Variants in H2BC1 observed in about 807,000 individuals in gnomAD.
H2BC1 encodes H2B clustered histone 1.
Under a neutral mutation model 5.4 loss-of-function variants are expected in H2BC1, and 5 were observed. The ratio of observed to expected loss-of-function variants is 0.92; its 90% CI spans 0.48 to 1.94. The LOEUF (loss-of-function observed/expected upper bound fraction) is 1.94, where lower values mean the gene tolerates loss of function less well. Ranked by LOEUF, H2BC1 falls within the 30% of genes most tolerant of loss-of-function variation. The pLI is 0.01. For synonymous variants in H2BC1, 131 were observed against 58.2 expected, an observed-to-expected ratio of 2.25 and a Z score of -5.69; for missense variants, 210 against 159.1, an observed-to-expected ratio of 1.32 and a Z score of -1.72.
In H2BC1 at chr6:25,726,880, G is replaced by A. The variant is rs763840708; in HGVS notation, c.-29G>A. On this transcript the variant is annotated 5_prime_UTR_variant, in exon 1 of 1. It adds an upstream start codon to the 5' untranslated region. Coordinates refer to ENST00000274764, the MANE Select transcript of H2BC1 (RefSeq NM_170610.3). ...TGCTGTGTAACCCTGGAAAAGAACC[G>A]TGTAACGCTGCAGAAGTGTGTGGTA... 3 of 1,592,838 alleles carry A rather than the reference G, an allele frequency of 1.9e-6. No individual in the cohort carries two copies. Among genetic ancestry groups the A allele is most frequent in the Non-Finnish European group, 2.6e-6 (3 of 1,170,710 alleles).
chr6:25,726,972 A>AC lies in H2BC1; in HGVS notation c.64_65insC (p.Lys22ThrfsTer15). 6.2e-7 allele frequency: 1 copy of AC among 1,614,196 alleles called. No individual in the cohort carries two copies. Reference sequence around the variant, plus strand: ...GAAGGGCTTTAAGAAAGCTGTCGTTAAGACCCAGAAAAAGGAAGGCAAAAA... The same window carrying AC: ...GAAGGGCTTTAAGAAAGCTGTCGTTACAGACCCAGAAAAAGGAAGGCAAAAA... On this transcript the variant is annotated frameshift_variant, in exon 1 of 1. Coordinates refer to ENST00000274764, the MANE Select transcript of H2BC1 (RefSeq NM_170610.3). LOFTEE classifies it low-confidence loss of function (END_TRUNC).
rs200445507 is a variant in H2BC1, at chr6:25,726,879, C to T, written c.-30C>T. The T allele has an allele frequency of 8.2e-6, 13 of 1,582,474 alleles. No homozygotes were observed. Among genetic ancestry groups the T allele is most frequent in the East Asian group, 2.2e-5 (1 of 44,680 alleles). ...GTGCTGTGTAACCCTGGAAAAGAAC[C>T]GTGTAACGCTGCAGAAGTGTGTGGT... On this transcript the variant is annotated 5_prime_UTR_variant, in exon 1 of 1. Transcript: ENST00000274764.
At position 25,727,215 on chromosome 6, in the gene H2BC1, C is replaced by T. The variant is rs878856583; in HGVS notation, c.307C>T (p.Leu103=). The part of the protein sequence containing the change: ...SREIQTAVRL[L]LPGELAKHAV... ...AGAGATTCAGACAGCAGTGCGCTTG[C>T]TACTGCCGGGAGAGCTGGCTAAACA... Residue 103 remains leucine, a synonymous_variant, in exon 1 of 1, where the codon CTA becomes TTA. Transcript: ENST00000274764. 6.2e-7 allele frequency: 1 copy of T among 1,613,992 alleles called. No homozygotes were observed. The highest frequency in any genetic ancestry group is 1.3e-5 in the African/African-American group (1 of 75,042).
In H2BC1 at chr6:25,727,194, A is replaced by G; in HGVS notation, c.286A>G (p.Ile96Val). The change falls in exon 1 of 1, where the codon ATT (isoleucine) becomes GTT (valine). Residue 96 changes from isoleucine (I) to valine (V), a missense_variant. Coordinates refer to ENST00000274764, the MANE Select transcript of H2BC1 (RefSeq NM_170610.3). ...GCGCTCCACCATTTCTTCCAGAGAG[A>G]TTCAGACAGCAGTGCGCTTGCTACT... The part of the protein sequence containing the change: ...SKRSTISSRE[I>V]QTAVRLLLPG... 6.2e-7 allele frequency: 1 copy of G among 1,614,132 alleles called. No homozygotes were observed. The highest frequency in any genetic ancestry group is 2.2e-5 in the East Asian group (1 of 44,868).
Position 25,726,961 on chromosome 6 carries a change from A to G in H2BC1, c.53A>G (p.Lys18Arg), listed in dbSNP as rs369689555. The change falls in exon 1 of 1, where the codon AAA (lysine) becomes AGA (arginine). Residue 18 changes from lysine (K) to arginine (R), a missense_variant. By Grantham distance (26) the Lys-to-Arg change is conservative. Coordinates refer to ENST00000274764, the MANE Select transcript of H2BC1 (RefSeq NM_170610.3). Reference sequence around the variant, plus strand: ...ACCATTTCCAAGAAGGGCTTTAAGAAAGCTGTCGTTAAGACCCAGAAAAAG... The same window carrying G: ...ACCATTTCCAAGAAGGGCTTTAAGAGAGCTGTCGTTAAGACCCAGAAAAAG... ...GATISKKGFK[K>R]AVVKTQKKEG... 5 of 1,614,046 alleles carry G rather than the reference A, an allele frequency of 3.1e-6. No homozygotes were observed. The highest frequency in any genetic ancestry group is 2.5e-6 in the Non-Finnish European group (3 of 1,180,040).
In H2BC1 at chr6:25,726,980, G is replaced by A. The variant is rs1249486668; in HGVS notation, c.72G>A (p.Gln24=). 6 of 1,614,046 alleles carry A rather than the reference G, an allele frequency of 3.7e-6. No individual in the cohort carries two copies. Among genetic ancestry groups the A allele is most frequent in the Non-Finnish European group, 5.1e-6 (6 of 1,180,034 alleles). The change falls in exon 1 of 1, where the codon CAG becomes CAA. Residue 24 remains glutamine, a synonymous_variant. Transcript: ENST00000274764. ...KGFKKAVVKT[Q]KKEGKKRKRT... ...TTAAGAAAGCTGTCGTTAAGACCCA[G>A]AAAAAGGAAGGCAAAAAGCGCAAGA...
In H2BC1 at chr6:25,727,070, T is replaced by G; in HGVS notation, c.162T>G (p.Thr54=). The G allele has an allele frequency of 6.2e-7, 1 of 1,614,250 alleles. No homozygotes were observed. Among genetic ancestry groups the G allele is most frequent in the South Asian group, 1.1e-5 (1 of 91,086 alleles). The change falls in exon 1 of 1, where the codon ACT becomes ACG. Residue 54 remains threonine (T), a synonymous_variant. Transcript: ENST00000274764. ...TGCTAAAGCAGGTCCATCCGGACAC[T>G]GGCATCTCTTCGAAAGCTATGAGCA... The part of the protein sequence containing the change: ...YKVLKQVHPD[T]GISSKAMSIM...
At position 25,726,905 on chromosome 6, in the gene H2BC1, A is replaced by G; in HGVS notation, c.-4A>G. 2 of 1,609,486 alleles carry G rather than the reference A, an allele frequency of 1.2e-6. No homozygotes were observed. The highest frequency in any genetic ancestry group is 1.7e-4 in the Middle Eastern group (1 of 6,036). On this transcript the variant is annotated 5_prime_UTR_variant, in exon 1 of 1. Coordinates refer to ENST00000274764, the MANE Select transcript of H2BC1 (RefSeq NM_170610.3). ...GTGTAACGCTGCAGAAGTGTGTGGT[A>G]GCTATGCCGGAGGTGTCATCTAAAG...
At position 25,727,025 on chromosome 6, in the gene H2BC1, T is replaced by C. The variant is rs369117550; in HGVS notation, c.117T>C (p.Tyr39=). The change falls in exon 1 of 1, where the codon TAT becomes TAC. Residue 39 remains tyrosine, a synonymous_variant. Transcript: ENST00000274764. ...GCAAGAGGACCCGTAAGGAGAGTTA[T>C]TCTATTTACATCTACAAAGTGCTAA... ...KKRKRTRKES[Y]SIYIYKVLKQ... 17 of 1,614,104 alleles carry C rather than the reference T, an allele frequency of 1.1e-5. No homozygotes were observed. Among genetic ancestry groups the C allele is most frequent in the African/African-American group, 5.3e-5 (4 of 74,942 alleles).
At position 25,727,055 on chromosome 6, in the gene H2BC1, G is replaced by A. The variant is rs2151390461; in HGVS notation, c.147G>A (p.Gln49=). ...YSIYIYKVLK[Q]VHPDTGISSK... ...TTTACATCTACAAAGTGCTAAAGCA[G>A]GTCCATCCGGACACTGGCATCTCTT... Residue 49 remains glutamine (Q), a synonymous_variant, in exon 1 of 1, where the codon CAG becomes CAA. Coordinates refer to ENST00000274764, the MANE Select transcript of H2BC1 (RefSeq NM_170610.3). 1.2e-6 allele frequency: 2 copies of A among 1,614,246 alleles called. No individual in the cohort carries two copies. Among genetic ancestry groups the A allele is most frequent in the Non-Finnish European group, 1.7e-6 (2 of 1,180,048 alleles).
rs6903757 is a variant in H2BC1 at position 25,727,154 on chromosome 6, G to A, written c.246G>A (p.Leu82=). The A allele has an allele frequency of 3.6e-3, 5,788 of 1,614,114 alleles. 138 individuals carry two copies. The African/African-American group carries it at 0.06, about 17-fold the overall frequency. The part of the protein sequence containing the change: ...FERIASEASR[L]AHYSKRSTIS... ...GTATAGCGAGCGAGGCATCACGTTTGGCTCACTACAGCAAGCGCTCCACCA... is the reference window on the plus strand; with the variant it reads ...GTATAGCGAGCGAGGCATCACGTTTAGCTCACTACAGCAAGCGCTCCACCA... Residue 82 remains leucine, a synonymous_variant, in exon 1 of 1, where the codon TTG becomes TTA. Transcript: ENST00000274764.
Position 25,726,797 on chromosome 6 carries a change from T to C in H2BC1, c.-112T>C. The C allele has an allele frequency of 1.5e-6, 2 of 1,341,772 alleles. No homozygotes were observed. Among genetic ancestry groups the C allele is most frequent in the Non-Finnish European group, 2.0e-6 (2 of 978,558 alleles). The allele number at this position is 1,341,772 out of a possible 1,614,324, so 83.1% of individuals were successfully genotyped here. ...GTTCTGTTTGTTTACTTGGCGAGACTTGGAGCTGAGGTCATTTGGAGCTGT... is the reference window on the plus strand; with the variant it reads ...GTTCTGTTTGTTTACTTGGCGAGACCTGGAGCTGAGGTCATTTGGAGCTGT... On this transcript the variant is annotated 5_prime_UTR_variant, in exon 1 of 1. Transcript: ENST00000274764.
chr6:25,726,896 G>A lies in H2BC1; in HGVS notation c.-13G>A, dbSNP rs779171590. 2.5e-6 allele frequency: 4 copies of A among 1,606,750 alleles called. No individual in the cohort carries two copies. The South Asian group carries it at 4.5e-5, about 18-fold the overall frequency. On this transcript the variant is annotated 5_prime_UTR_variant, in exon 1 of 1. The change creates a new upstream start codon in the 5' untranslated region. Coordinates refer to ENST00000274764, the MANE Select transcript of H2BC1 (RefSeq NM_170610.3). ...AAAAGAACCGTGTAACGCTGCAGAA[G>A]TGTGTGGTAGCTATGCCGGAGGTGT...
At position 25,727,246 on chromosome 6, in the gene H2BC1, T is replaced by G; in HGVS notation, c.338T>G (p.Val113Gly). ...LLPGELAKHA[V>G]SEGTKAVTKY... ...CCGGGAGAGCTGGCTAAACATGCTG[T>G]GTCTGAGGGCACCAAGGCTGTCACT... The change falls in exon 1 of 1, where the codon GTG becomes GGG. Residue 113 changes from valine to glycine, a missense_variant. Transcript: ENST00000274764. 6.2e-7 allele frequency: 1 copy of G among 1,612,606 alleles called. No individual in the cohort carries two copies. The highest frequency in any genetic ancestry group is 2.2e-5 in the East Asian group (1 of 44,810).
rs202128792 is a variant in H2BC1, at chr6:25,727,256, C to A, written c.348C>A (p.Gly116=). Residue 116 remains glycine, a synonymous_variant, in exon 1 of 1, where the codon GGC becomes GGA. Coordinates refer to ENST00000274764, the MANE Select transcript of H2BC1 (RefSeq NM_170610.3). ...GELAKHAVSE[G]TKAVTKYTSS... Reference sequence around the variant, plus strand: ...TGGCTAAACATGCTGTGTCTGAGGGCACCAAGGCTGTCACTAAGTACACCA... The same window carrying A: ...TGGCTAAACATGCTGTGTCTGAGGGAACCAAGGCTGTCACTAAGTACACCA... 6.2e-7 allele frequency: 1 copy of A among 1,610,544 alleles called. No individual in the cohort carries two copies. Among genetic ancestry groups the A allele is most frequent in the Non-Finnish European group, 8.5e-7 (1 of 1,177,430 alleles).
rs560247943 is a variant in H2BC1 at position 25,727,105 on chromosome 6, C to G, written c.197C>G (p.Ser66Cys). The G allele has an allele frequency of 2.5e-6, 4 of 1,614,254 alleles. No individual in the cohort carries two copies. In the South Asian group the frequency reaches 4.4e-5, roughly 18 times the overall value. ...TCGAAAGCTATGAGCATTATGAATT[C>G]CTTCGTCACTGATATCTTTGAGCGT... ...ISSKAMSIMN[S>C]FVTDIFERIA... Residue 66 changes from serine (S) to cysteine (C), a missense_variant, in exon 1 of 1, where the codon TCC (serine) becomes TGC (cysteine). Coordinates refer to ENST00000274764, the MANE Select transcript of H2BC1 (RefSeq NM_170610.3).
Position 25,726,783 on chromosome 6 carries a change from T to C in H2BC1, c.-126T>C, listed in dbSNP as rs565206509. ...TCTTTCATCCTCCAGTTCTGTTTGT[T>C]TACTTGGCGAGACTTGGAGCTGAGG... On this transcript the variant is annotated 5_prime_UTR_variant, in exon 1 of 1. Transcript: ENST00000274764. 7.9e-7 allele frequency: 1 copy of C among 1,269,786 alleles called. No individual in the cohort carries two copies. The highest frequency in any genetic ancestry group is 2.3e-5 in the Admixed American group (1 of 43,690). 78.7% of individuals were successfully genotyped at this position (1,269,786 alleles called of 1,614,324 possible).
In H2BC1 at chr6:25,727,255, G is replaced by A; in HGVS notation, c.347G>A (p.Gly116Asp). 2 of 1,610,786 alleles carry A rather than the reference G, an allele frequency of 1.2e-6. No homozygotes were observed. The highest frequency in any genetic ancestry group is 1.7e-6 in the Non-Finnish European group (2 of 1,177,546). Residue 116 changes from glycine (G) to aspartate (D), a missense_variant, in exon 1 of 1, where the codon GGC (glycine) becomes GAC (aspartate). Gly to Asp is a moderately conservative substitution (Grantham distance 94). Coordinates refer to ENST00000274764, the MANE Select transcript of H2BC1 (RefSeq NM_170610.3). ...CTGGCTAAACATGCTGTGTCTGAGG[G>A]CACCAAGGCTGTCACTAAGTACACC... The part of the protein sequence containing the change: ...GELAKHAVSE[G>D]TKAVTKYTSS...
Position 25,727,076 on chromosome 6 carries a change from C to G in H2BC1, c.168C>G (p.Ile56Met), listed in dbSNP as rs190795404. 1.9e-6 allele frequency: 3 copies of G among 1,614,120 alleles called. No homozygotes were observed. Among genetic ancestry groups the G allele is most frequent in the African/African-American group, 1.3e-5 (1 of 74,950 alleles). The change falls in exon 1 of 1, where the codon ATC (isoleucine) becomes ATG (methionine). Residue 56 changes from isoleucine (I) to methionine (M), a missense_variant. Ile to Met is a conservative substitution (Grantham distance 10). Coordinates refer to ENST00000274764, the MANE Select transcript of H2BC1 (RefSeq NM_170610.3). ...VLKQVHPDTGISSKAMSIMNS... is the reference protein window; with the variant it reads ...VLKQVHPDTGMSSKAMSIMNS... ...AGCAGGTCCATCCGGACACTGGCAT[C>G]TCTTCGAAAGCTATGAGCATTATGA...
Sources: allele counts gnomAD v4.1 joint callset, GRCh38; gene constraint gnomAD v4.1.1; transcripts MANE v1.5; gene names NCBI Gene and HGNC (gene_info 2026-07-23, HGNC 2026-07-21).